The following LRRC8D variants were observed in gnomAD, a reference collection of about 807,000 sequenced individuals.
LRRC8D encodes the protein leucine rich repeat containing 8 VRAC subunit D.
Under a neutral mutation model 55.8 loss-of-function variants are expected in LRRC8D, and 20 were observed. The observed-to-expected ratio is 0.36, with a 90% CI of 0.25 to 0.52. LRRC8D has a LOEUF of 0.52. Ranked by LOEUF, LRRC8D falls within the 20% of genes least tolerant of loss-of-function variation. The pLI, the probability that LRRC8D is intolerant of heterozygous loss-of-function variation, is 0.93. For missense variants in LRRC8D, 651 were observed against 1,030.8 expected, an observed-to-expected ratio of 0.63 and a Z score of 5.05; for synonymous variants, 352 against 377.0, an observed-to-expected ratio of 0.93 and a Z score of 0.77.
intron 2 of LRRC8D, among the ~76,000 whole-genome samples, chr1:89,887,802 G>T (rs915019801): frequency 1.3e-5 from 2 of 152,188 alleles, no homozygotes. Context: ...TAGGAGGAGA[G>T]CCCTATGGCA....
intron 2 of LRRC8D, among the ~76,000 whole-genome samples, chr1:89,863,869 C>A (rs1661779366): frequency 6.6e-6 from 1 of 152,080 alleles, no homozygotes; most frequent in Non-Finnish European, 1.5e-5. Flanking sequence ...AAAAATTTCC[C>A]AGGGTTGTTT....
chr1:89,896,759 C>T (rs1005783865), intron 2 of LRRC8D, among the ~76,000 whole-genome samples: 3 of 152,126 alleles, frequency 2.0e-5, no homozygotes, highest in African/African-American at 7.2e-5. Flanking sequence ...TTCTGTCTTT[C>T]TCCCTTTCTC....
intron 1 of LRRC8D, among the ~76,000 whole-genome samples, chr1:89,824,769 G>T (rs551407808): frequency 1.3e-5 from 2 of 152,134 alleles, no homozygotes; most frequent in African/African-American, 4.8e-5. Flanking sequence ...CAGTTTATCG[G>T]CATCTCACAT....
At chr1:89,860,809 T>TATATATATATATATATATAC (rs970678615) in intron 2 of LRRC8D, among the ~76,000 whole-genome samples, 16 of 105,546 alleles carry the variant, frequency 1.5e-4, no homozygotes, top group African/African-American at 5.7e-4. Context: ...TATATATATA[T>TATATATATATATATATATAC]ACACACACAG....
chr1:89,915,114 A>G (rs111791430), intron 2 of LRRC8D, among the ~76,000 whole-genome samples: 21 of 152,158 alleles, frequency 1.4e-4, no homozygotes, highest in African/African-American at 5.1e-4. Context: ...TTGAAAATGT[A>G]AATGATTATG....
At chr1:89,878,316 T>C (rs189735470) in intron 2 of LRRC8D, among the ~76,000 whole-genome samples, 6 of 152,344 alleles carry the variant, frequency 3.9e-5, no homozygotes, top group East Asian at 1.9e-4. Context: ...GCAGGTATTA[T>C]GTGCTCAACA....
intron 2 of LRRC8D, among the ~76,000 whole-genome samples, chr1:89,845,945 C>A (rs532211835): frequency 6.6e-6 from 1 of 152,172 alleles, no homozygotes; most frequent in South Asian, 2.1e-4. Flanking sequence ...CCTCGCTCAG[C>A]TAATTTTGTA....
chr1:89,859,177 C>T (rs953993961), intron 2 of LRRC8D, among the ~76,000 whole-genome samples: 3 of 151,360 alleles, frequency 2.0e-5, no homozygotes, highest in African/African-American at 4.9e-5. Flanking sequence ...TTTTTAAATT[C>T]GCATTACAAG....
intron 2 of LRRC8D, among the ~76,000 whole-genome samples, chr1:89,870,000 C>G (rs1661963183): frequency 6.6e-6 from 1 of 151,766 alleles, no homozygotes; most frequent in Admixed American, 6.6e-5. Flanking sequence ...CCCAGCTACT[C>G]AGGAGGCTGA....
intron 1 of LRRC8D, among the ~76,000 whole-genome samples, chr1:89,822,484 A>G (rs1232396372): frequency 6.6e-6 from 1 of 152,194 alleles, no homozygotes; most frequent in Middle Eastern, 3.2e-3. Flanking sequence ...CTGAGGACAT[A>G]TTTTGGAAGA....
At chr1:89,850,249 T>G (rs1369843680) in intron 2 of LRRC8D, among the ~76,000 whole-genome samples, 2 of 152,228 alleles carry the variant, frequency 1.3e-5, no homozygotes, top group African/African-American at 4.8e-5. Context: ...TTGTATGTTC[T>G]TGGGCCTTTG....
chr1:89,904,802 T>A (rs754383060), intron 2 of LRRC8D, among the ~76,000 whole-genome samples: 3 of 152,192 alleles, frequency 2.0e-5, no homozygotes, highest in Non-Finnish European at 4.4e-5. Flanking sequence ...TTGAACTTTT[T>A]GAACAGTTTT....
At chr1:89,857,048 T>C (rs1661573386) in intron 2 of LRRC8D, among the ~76,000 whole-genome samples, 1 of 152,158 alleles carries the variant, frequency 6.6e-6, no homozygotes. Context: ...TGTATGTGTA[T>C]GCGTAGAAAA....
chr1:89,861,434 T>G (rs1217084057), intron 2 of LRRC8D, among the ~76,000 whole-genome samples: 2 of 152,222 alleles, frequency 1.3e-5, no homozygotes, highest in Non-Finnish European at 2.9e-5. Context: ...TCTTTCTTCT[T>G]TTCTTACTCT....
chr1:89,835,369 T>C (rs1660980921), intron 1 of LRRC8D, among the ~76,000 whole-genome samples: 1 of 152,250 alleles, frequency 6.6e-6, no homozygotes, highest in South Asian at 2.1e-4. Context: ...GTTCTGTCTG[T>C]GTAGGTTCTA....
rs1663849103 is a variant in LRRC8D at position 89,936,117 on chromosome 1, A to AT, written c.*473dup. ...AACTTGTAAATTTAGATTTGCTGAA[A>AT]TACTGATTTATTTCCTGTTTTAATT... On this transcript the variant is annotated 3_prime_UTR_variant, in exon 3 of 3. Coordinates refer to ENST00000337338, the MANE Select transcript of LRRC8D (RefSeq NM_001134479.2). 1 of 170,860 alleles carries AT rather than the reference A, an allele frequency of 5.9e-6. No homozygotes were observed. The highest frequency in any genetic ancestry group is 1.4e-5 in the Non-Finnish European group (1 of 70,648). 10.6% of individuals were successfully genotyped at this position (170,860 alleles called of 1,614,324 possible). A position where few individuals can be genotyped will look rare whatever the true frequency, so the allele number is the denominator to read the frequency against.
intron 2 of LRRC8D, among the ~76,000 whole-genome samples, chr1:89,849,763 T>A (rs749317336): frequency 6.6e-6 from 1 of 152,194 alleles, no homozygotes; most frequent in Non-Finnish European, 1.5e-5. Context: ...TAATGTTTCT[T>A]GTGTATTCTA....
intron 2 of LRRC8D, among the ~76,000 whole-genome samples, chr1:89,864,975 C>T (rs1224353121): frequency 6.6e-6 from 1 of 152,156 alleles, no homozygotes; most frequent in Non-Finnish European, 1.5e-5. Flanking sequence ...GTTTTAATGT[C>T]CTTCCAGAAG....
At chr1:89,918,848 A>G (rs1455119582) in intron 2 of LRRC8D, among the ~76,000 whole-genome samples, 4 of 152,236 alleles carry the variant, frequency 2.6e-5, no homozygotes, top group African/African-American at 9.7e-5. Context: ...TATAATTAAT[A>G]GTGACCTTTT....
Sources: gnomAD v4.1 joint callset for allele counts (sites outside exome capture counted in the v4.1 genomes callset) on GRCh38, gnomAD v4.1.1 for gene constraint, MANE v1.5 for transcripts, NCBI Gene and HGNC (gene_info 2026-07-23, HGNC 2026-07-21) for gene names.